The following AIFM2 variants were observed in gnomAD, a reference collection of about 807,000 sequenced individuals.
The protein encoded by AIFM2 is AIF family member 2, ferroptosis suppressor.
AIFM2 carries 38 observed loss-of-function variants against 35.7 expected under a neutral mutation model. The observed-to-expected ratio is 1.06, with a 90% CI of 0.82 to 1.39. The LOEUF is 1.39. Ranked by LOEUF, AIFM2 falls within the 40% of genes most tolerant of loss-of-function variation. The pLI is 0.00. For synonymous variants in AIFM2, 185 were observed against 203.5 expected (o/e 0.91, Z 0.77); for missense variants, 476 against 491.2 (o/e 0.97, Z 0.29).
intron 1 of AIFM2, among the ~76,000 whole-genome samples, chr10:70,124,695 A>C (rs897648798): frequency 4.6e-5 from 7 of 152,208 alleles, no homozygotes; most frequent in African/African-American, 1.4e-4. Context: ...TGCAATAACA[A>C]GAAACAGTGG....
intron 4 of AIFM2, 87 bp from the exon 5 acceptor site, chr10:70,120,686 C>T: frequency 1.2e-5 from 17 of 1,471,720 alleles, no homozygotes; most frequent in Non-Finnish European, 1.6e-5. Flanking sequence ...TGGTGTGGCT[C>T]CCTGGGCCAA....
chr10:70,116,531 T>C (rs2072437694), intron 7 of AIFM2, 91 bp downstream of exon 7: 1 of 1,499,604 alleles, frequency 6.7e-7, no homozygotes. Flanking sequence ...GGCAGCAAGG[T>C]GTGGACTCCT....
chr10:70,129,523 T>C (rs1432013484), intron 1 of AIFM2, among the ~76,000 whole-genome samples: 4 of 152,168 alleles, frequency 2.6e-5, no homozygotes, highest in Non-Finnish European at 1.5e-5. Flanking sequence ...TTAGCATCTG[T>C]TGCACTTTTG....
At position 70,117,539 on chromosome 10, in the gene AIFM2, T is replaced by A. The variant is rs2072451254; in HGVS notation, c.616+273A>T. On this transcript the variant is annotated intron_variant, in intron 6 of 8. Coordinates refer to ENST00000307864, the MANE Select transcript of AIFM2 (RefSeq NM_032797.6). This position sits in a 1 kb window ranked among gnomAD's most constrained non-coding sequence, Gnocchi z 4.7. Reference sequence around the variant, plus strand: ...CAGGCATCCCACCATCTGCACTGCATCCAAAGCAATAACCAGGACATGGAA... The same window carrying A: ...CAGGCATCCCACCATCTGCACTGCAACCAAAGCAATAACCAGGACATGGAA... 6.6e-6 allele frequency among the ~76,000 whole-genome samples: 1 copy of A among 152,140 alleles called. No individual in the cohort carries two copies. Among genetic ancestry groups the A allele is most frequent in the African/African-American group, 2.4e-5 (1 of 41,432 alleles).
intron 8 of AIFM2, 98 bp from the exon 9 acceptor site, chr10:70,114,427 G>A (rs1410334916): frequency 1.4e-5 from 20 of 1,473,368 alleles, no homozygotes; most frequent in Non-Finnish European, 1.8e-5. Context: ...CAGACTCAGG[G>A]CCGGAAATGT....
In AIFM2 at chr10:70,113,992, G is replaced by T. The variant is rs756171482; in HGVS notation, c.*186C>A. On this transcript the variant is annotated 3_prime_UTR_variant, in exon 9 of 9. Transcript: ENST00000307864. ...AAACCCAGAAAGTATCCTCTAAGGG[G>T]GGTATTTGTTTAATACCTCTCTCTC... 8.5e-6 allele frequency: 6 copies of T among 708,972 alleles called. No individual in the cohort carries two copies. Among genetic ancestry groups the T allele is most frequent in the Admixed American group, 3.1e-5 (1 of 32,078 alleles). 43.9% of individuals were successfully genotyped at this position (708,972 alleles called of 1,614,324 possible). A position where few individuals can be genotyped will look rare whatever the true frequency, so the allele number is the denominator to read the frequency against.
At chr10:70,124,780 TAAAC>T (rs2136663247) in intron 1 of AIFM2, among the ~76,000 whole-genome samples, 1 of 152,268 alleles carries the variant, frequency 6.6e-6, no homozygotes, top group East Asian at 1.9e-4. Context: ...AGCACTGCAC[TAAAC>T]AAACACCGCA....
intron 5 of AIFM2, chr10:70,118,142 G>C: frequency 2.1e-6 from 1 of 485,516 alleles, no homozygotes; most frequent in East Asian, 4.0e-5. Flanking sequence ...GCCACACCCA[G>C]GCCAGAGGAC....
In AIFM2 at chr10:70,120,558, C is replaced by T. The variant is rs556198278; in HGVS notation, c.456G>A (p.Ser152=). 6.2e-5 allele frequency: 100 copies of T among 1,614,146 alleles called. No homozygotes were observed. Among genetic ancestry groups the T allele is most frequent in the East Asian group, 1.1e-4 (5 of 44,884 alleles). Residue 152 remains serine (S), a synonymous_variant, in exon 5 of 9, where the codon TCG becomes TCA. Transcript: ENST00000307864. ...TCTCTGCTGCCATCTCCACTCCAGCCGAGCCTCCTCCCACCACCACGATGA... is the reference window on the plus strand; with the variant it reads ...TCTCTGCTGCCATCTCCACTCCAGCTGAGCCTCCTCCCACCACCACGATGA... The part of the protein sequence containing the change: ...SRFIVVVGGG[S]AGVEMAAEIK...
chr10:70,116,579 G>A (rs1440452167), intron 7 of AIFM2, 43 bp downstream of exon 7: 3 of 1,610,784 alleles, frequency 1.9e-6, no homozygotes, highest in East Asian at 2.2e-5. Context: ...GGGTACTGGA[G>A]AGCAAGGAGG....
At position 70,123,924 on chromosome 10, in the gene AIFM2, C is replaced by T. The variant is rs771383095; in HGVS notation, c.161G>A (p.Arg54Gln). 45 of 1,592,282 alleles carry T rather than the reference C, an allele frequency of 2.8e-5. No individual in the cohort carries two copies. The highest frequency in any genetic ancestry group is 3.5e-5 in the Non-Finnish European group (41 of 1,164,962). Residue 54 changes from arginine (R) to glutamine (Q), a missense_variant, in exon 2 of 9, where the codon CGA (arginine) becomes CAA (glutamine). Arg to Gln is a conservative substitution (Grantham distance 43). Coordinates refer to ENST00000307864, the MANE Select transcript of AIFM2 (RefSeq NM_032797.6). ...DSFHHNVAAL[R>Q]ASVETGFAKK... ...CACATTACCTGTCTCCACGGAGGCT[C>T]GGAGAGCAGCCACATTGTGGTGGAA...
chr10:70,132,238 C>A (rs930513803), intron 1 of AIFM2, among the ~76,000 whole-genome samples: 1 of 152,188 alleles, frequency 6.6e-6, no homozygotes, highest in African/African-American at 2.4e-5. Flanking sequence ...TAGTGCTGCA[C>A]CCCCCAGCTC....
Position 70,123,600 on chromosome 10 carries a change from G to C in AIFM2, c.179-80C>G, listed in dbSNP as rs16927340. On this transcript the variant is annotated intron_variant, in intron 2 of 8. Transcript: ENST00000307864. ...GCCAGAGTGACTCAGAACCTTTCAC[G>C]AGCTGCAAACCAACAGGGGTGCCCT... 5 of 1,320,040 alleles carry C rather than the reference G, an allele frequency of 3.8e-6. No homozygotes were observed. The African/African-American group carries it at 7.2e-5, about 19-fold the overall frequency. 81.8% of individuals were successfully genotyped at this position (1,320,040 alleles called of 1,614,324 possible).
chr10:70,115,486 G>A (rs1006656203), intron 7 of AIFM2, among the ~76,000 whole-genome samples: 1 of 152,232 alleles, frequency 6.6e-6, no homozygotes, highest in Non-Finnish European at 1.5e-5. Flanking sequence ...ATAAATGCAG[G>A]CCAGGTGTGG....
Position 70,120,559 on chromosome 10 carries a change from G to C in AIFM2, c.455C>G (p.Ser152Trp), listed in dbSNP as rs764906460. 6 of 1,614,086 alleles carry C rather than the reference G, an allele frequency of 3.7e-6. No homozygotes were observed. The highest frequency in any genetic ancestry group is 5.1e-6 in the Non-Finnish European group (6 of 1,180,028). ...CTCTGCTGCCATCTCCACTCCAGCCGAGCCTCCTCCCACCACCACGATGAA... is the reference window on the plus strand; with the variant it reads ...CTCTGCTGCCATCTCCACTCCAGCCCAGCCTCCTCCCACCACCACGATGAA... ...SRFIVVVGGG[S>W]AGVEMAAEIK... The change falls in exon 5 of 9, where the codon TCG becomes TGG. Residue 152 changes from serine (S) to tryptophan (W), a missense_variant. Transcript: ENST00000307864.
intron 4 of AIFM2, 44 bp downstream of exon 4, chr10:70,121,048 T>G: frequency 6.3e-7 from 1 of 1,592,322 alleles, no homozygotes; most frequent in Non-Finnish European, 8.5e-7. Context: ...AAGGCTGTCC[T>G]TCCATCTGCC....
At chr10:70,127,048 G>T (rs918227142) in intron 1 of AIFM2, among the ~76,000 whole-genome samples, 1 of 152,232 alleles carries the variant, frequency 6.6e-6, no homozygotes, top group African/African-American at 2.4e-5. Flanking sequence ...CTAGGGACCA[G>T]GACCCAGGAG....
intron 6 of AIFM2, 68 bp from the exon 7 acceptor site, chr10:70,116,842 A>C (rs1230589829): frequency 1.3e-6 from 2 of 1,588,342 alleles, no homozygotes; most frequent in Non-Finnish European, 1.7e-6. Context: ...ACCCCAGGCC[A>C]AGGCTAACCC....
intron 1 of AIFM2, among the ~76,000 whole-genome samples, chr10:70,127,373 GCCTAGAGC>G (rs2072580076): frequency 6.6e-6 from 1 of 152,214 alleles, no homozygotes; most frequent in Admixed American, 6.5e-5. Flanking sequence ...AAAAAGGACA[GCCTAGAGC>G]CCTGAAAAAG....
Sources: allele counts gnomAD v4.1 joint callset (sites outside exome capture counted in the v4.1 genomes callset), GRCh38; gene constraint gnomAD v4.1.1; non-coding constraint Gnocchi (gnomAD v3.1); transcripts MANE v1.5; gene names NCBI Gene and HGNC (gene_info 2026-07-23, HGNC 2026-07-21).